PRKCE: variants seen among roughly 807,000 people sequenced by gnomAD.
The protein encoded by PRKCE is protein kinase C epsilon type.
PRKCE carries 16 observed loss-of-function variants against 85.4 expected under a neutral mutation model. The ratio of observed to expected loss-of-function variants is 0.19; its 90% CI spans 0.13 to 0.28. The LOEUF is 0.28. Ranked by LOEUF, PRKCE falls within the 10% of genes least tolerant of loss-of-function variation. The pLI is 1.00. For missense variants in PRKCE, 573 were observed against 975.2 expected (o/e 0.59, Z 5.49); for synonymous variants, 388 against 371.5 (o/e 1.04, Z -0.51).
chr2:46,148,039 T>G (rs566238495), intron 12 of PRKCE, among the ~76,000 whole-genome samples: 1 of 152,258 alleles, frequency 6.6e-6, no homozygotes, highest in Admixed American at 6.5e-5. Context: ...GGTGGTAAGG[T>G]GCTGAGCTAA....
intron 1 of PRKCE, among the ~76,000 whole-genome samples, chr2:45,747,846 C>T (rs1444370702): frequency 1.3e-5 from 2 of 152,200 alleles, no homozygotes; most frequent in Admixed American, 1.3e-4. Context: ...TCTAATTTCT[C>T]CACATCCTCA....
intron 14 of PRKCE, among the ~76,000 whole-genome samples, chr2:46,165,163 C>T (rs1260008968): frequency 6.6e-6 from 1 of 152,182 alleles, no homozygotes; most frequent in Non-Finnish European, 1.5e-5. Context: ...TGTACTAACC[C>T]CCACCCAGTG....
At chr2:46,014,698 A>G (rs536293306) in intron 10 of PRKCE, among the ~76,000 whole-genome samples, 1 of 152,302 alleles carries the variant, frequency 6.6e-6, no homozygotes, top group East Asian at 1.9e-4. Flanking sequence ...CTACAAAGCT[A>G]AAAGATACCA....
At chr2:46,046,708 A>G (rs1708544978) in intron 10 of PRKCE, among the ~76,000 whole-genome samples, 1 of 152,224 alleles carries the variant, frequency 6.6e-6, no homozygotes, top group Admixed American at 6.5e-5. Flanking sequence ...GTGTAGCTAC[A>G]GCAGCAACAT....
At chr2:46,173,681 A>G (rs1679139100) in intron 14 of PRKCE, among the ~76,000 whole-genome samples, 1 of 152,236 alleles carries the variant, frequency 6.6e-6, no homozygotes, top group Non-Finnish European at 1.5e-5. Flanking sequence ...TCAAAGCATC[A>G]TAACACATGT....
rs765196795 is a variant in PRKCE at position 46,185,035 on chromosome 2, C to G, written c.*154C>G. Reference sequence around the variant, plus strand: ...ATTTATTGCATTCCCTTGCCCCAGGCCACCTCCTCCCCCTCCCACCTGGTG... The same window carrying G: ...ATTTATTGCATTCCCTTGCCCCAGGGCACCTCCTCCCCCTCCCACCTGGTG... On this transcript the variant is annotated 3_prime_UTR_variant, in exon 15 of 15. Coordinates refer to ENST00000306156, the MANE Select transcript of PRKCE (RefSeq NM_005400.3). This position sits in a 1 kb window ranked among gnomAD's most constrained non-coding sequence, Gnocchi z 4.7. The G allele has an allele frequency of 2.9e-5, 30 of 1,021,606 alleles. No homozygotes were observed. Among genetic ancestry groups the G allele is most frequent in the Non-Finnish European group, 4.1e-5 (29 of 714,848 alleles). 63.3% of individuals were successfully genotyped at this position (1,021,606 alleles called of 1,614,324 possible).
intron 9 of PRKCE, among the ~76,000 whole-genome samples, chr2:46,008,455 C>G (rs1286199141): frequency 6.6e-6 from 1 of 152,184 alleles, no homozygotes; most frequent in Non-Finnish European, 1.5e-5. Flanking sequence ...TGATTGTTCC[C>G]TGGTTCTGTT....
intron 1 of PRKCE, among the ~76,000 whole-genome samples, chr2:45,660,049 C>G (rs1309155325): frequency 6.6e-6 from 1 of 151,880 alleles, no homozygotes; most frequent in African/African-American, 2.4e-5. Context: ...AATTTCTTGG[C>G]ACATTGTTGA....
At chr2:45,855,133 T>C (rs1692575236) in intron 2 of PRKCE, among the ~76,000 whole-genome samples, 2 of 151,240 alleles carry the variant, frequency 1.3e-5, no homozygotes, top group African/African-American at 4.9e-5. Flanking sequence ...AGTGTTTCCA[T>C]TTGTTCTATT....
chr2:45,706,087 T>G (rs1246496360), intron 1 of PRKCE, among the ~76,000 whole-genome samples: 1 of 152,188 alleles, frequency 6.6e-6, no homozygotes. Context: ...CTGCCAGAGA[T>G]TTCACCTGAG....
intron 14 of PRKCE, among the ~76,000 whole-genome samples, chr2:46,175,400 A>T (rs569060380): frequency 1.3e-5 from 2 of 152,224 alleles, no homozygotes; most frequent in African/African-American, 4.8e-5. Context: ...CTAACCATAC[A>T]GTTGTGATCT....
intron 1 of PRKCE, among the ~76,000 whole-genome samples, chr2:45,736,785 G>T (rs1682101154): frequency 1.3e-5 from 2 of 152,108 alleles, no homozygotes; most frequent in Admixed American, 6.6e-5. Context: ...TCTGTGGGAA[G>T]AATTTATGGA....
At chr2:45,835,534 C>G (rs1690786317) in intron 1 of PRKCE, among the ~76,000 whole-genome samples, 1 of 151,438 alleles carries the variant, frequency 6.6e-6, no homozygotes, top group Non-Finnish European at 1.5e-5. Context: ...ATGGTATATA[C>G]TCTTTAATGT....
intron 2 of PRKCE, among the ~76,000 whole-genome samples, chr2:45,969,586 T>C (rs1471236210): frequency 6.6e-6 from 1 of 152,102 alleles, no homozygotes; most frequent in African/African-American, 2.4e-5. Context: ...GTTTCCCTCT[T>C]CTCTCCCCTT....
intron 1 of PRKCE, among the ~76,000 whole-genome samples, chr2:45,739,074 T>C (rs192553177): frequency 1.3e-5 from 2 of 152,366 alleles, no homozygotes; most frequent in Admixed American, 6.5e-5. Flanking sequence ...TGGCTGGCTG[T>C]ATTCTCAGAC....
Position 45,775,478 on chromosome 2 carries a change from C to A in PRKCE, c.349-67522C>A, listed in dbSNP as rs74924329. Among the ~76,000 whole-genome samples the A allele has an allele frequency of 5.1e-4, 77 of 152,290 alleles. No individual in the cohort carries two copies. The East Asian group carries it at 0.012, about 24-fold the overall frequency. On this transcript the variant is annotated intron_variant, in intron 1 of 14. Coordinates refer to ENST00000306156, the MANE Select transcript of PRKCE (RefSeq NM_005400.3). Reference sequence around the variant, plus strand: ...TCTGGGGCCATTTTAAATCAAAGAGCCCCCAAACATTTCCATAGAGTTGTT... The same window carrying A: ...TCTGGGGCCATTTTAAATCAAAGAGACCCCAAACATTTCCATAGAGTTGTT...
At chr2:46,083,495 C>T (rs568059385) in intron 10 of PRKCE, among the ~76,000 whole-genome samples, 1 of 152,166 alleles carries the variant, frequency 6.6e-6, no homozygotes, top group East Asian at 1.9e-4. Context: ...GGAAATACTC[C>T]ATTGTTGCTA....
chr2:46,014,349 G>A (rs1038921877), intron 10 of PRKCE, among the ~76,000 whole-genome samples: 2 of 152,106 alleles, frequency 1.3e-5, no homozygotes, highest in African/African-American at 4.8e-5. Context: ...AGCCACATTC[G>A]TCCCAGGTCC....
intron 1 of PRKCE, among the ~76,000 whole-genome samples, chr2:45,700,218 A>G (rs1022912053): frequency 6.6e-5 from 10 of 151,928 alleles, no homozygotes; most frequent in African/African-American, 2.4e-4. Context: ...ACCTGGGAGC[A>G]ATATAGAGAG....
Sources: allele counts gnomAD v4.1 joint callset (sites outside exome capture counted in the v4.1 genomes callset), GRCh38; gene constraint gnomAD v4.1.1; non-coding constraint Gnocchi (gnomAD v3.1); transcripts MANE v1.5; gene names NCBI Gene and HGNC (gene_info 2026-07-23, HGNC 2026-07-21).